Variants in XIRP2 observed in about 807,000 individuals in gnomAD.
XIRP2 encodes the protein xin actin-binding repeat-containing protein 2.
In XIRP2, 236 loss-of-function variants were observed where a neutral mutation model predicts 277.0. The ratio of observed to expected loss-of-function variants is 0.85; its 90% CI spans 0.77 to 0.95. The LOEUF (loss-of-function observed/expected upper bound fraction) is 0.95. XIRP2 is among the 40% of genes least tolerant of loss of function. The probability of loss-of-function intolerance (pLI) is 0.00; values close to 1 mark genes in which losing one functional copy is unlikely to be tolerated. For missense variants in XIRP2, 4,640 were observed against 4,157.5 expected, an observed-to-expected ratio of 1.12 and a Z score of -3.19; for synonymous variants, 1,490 against 1,416.5, an observed-to-expected ratio of 1.05 and a Z score of -1.17.
chr2:167,055,895 T>C (rs1689025657), intron 2 of XIRP2, among the ~76,000 whole-genome samples: 1 of 152,176 alleles, frequency 6.6e-6, no homozygotes, highest in African/African-American at 2.4e-5. Context: ...GATTCAATGT[T>C]ATATAAAATG....
chr2:167,145,538 G>A (rs34709525), intron 3 of XIRP2, among the ~76,000 whole-genome samples: 7 of 152,094 alleles, frequency 4.6e-5, no homozygotes, highest in Non-Finnish European at 8.8e-5. Context: ...ATTTTTCATT[G>A]ATCCTTTATT....
intron 2 of XIRP2, among the ~76,000 whole-genome samples, chr2:166,929,702 TTCTTTAA>T (rs1187004275): frequency 1.3e-5 from 2 of 152,180 alleles, no homozygotes; most frequent in Non-Finnish European, 2.9e-5. Context: ...CTCTGTTTTG[TTCTTTAA>T]TTTCTTATGC....
intron 2 of XIRP2, among the ~76,000 whole-genome samples, chr2:167,099,942 G>A (rs59877654): frequency 0.26 from 39,667 of 151,836 alleles, 7,711 homozygotes; most frequent in African/African-American, 0.55. Context: ...GACCGGAGCC[G>A]TTCCTATTCA....
chr2:166,982,922 A>T (rs928861227), intron 2 of XIRP2, among the ~76,000 whole-genome samples: 13 of 152,080 alleles, frequency 8.5e-5, no homozygotes. Flanking sequence ...CCTCTTACTA[A>T]ATGCTGTTAA....
At chr2:167,216,821 G>C (rs1410845728) in intron 4 of XIRP2, among the ~76,000 whole-genome samples, 1 of 116,072 alleles carries the variant, frequency 8.6e-6, no homozygotes, top group East Asian at 2.4e-4. Context: ...CTGCTATAAA[G>C]ACACATGCAC....
intron 2 of XIRP2, among the ~76,000 whole-genome samples, chr2:167,001,459 T>A (rs1025923363): frequency 3.3e-5 from 5 of 152,174 alleles, no homozygotes; most frequent in African/African-American, 1.2e-4. Context: ...CAAAATGTTT[T>A]CTTACTATTT....
At chr2:167,208,186 GCTTT>G (rs1325404565) in intron 3 of XIRP2, among the ~76,000 whole-genome samples, 5 of 152,184 alleles carry the variant, frequency 3.3e-5, no homozygotes, top group Admixed American at 6.5e-5. Context: ...TATTTATAAT[GCTTT>G]CTAACAGAAA....
Position 166,982,327 on chromosome 2 carries a change from TA to T in XIRP2, c.408+78447del, listed in dbSNP as rs34827020. On this transcript the variant is annotated intron_variant, in intron 2 of 10. Transcript: ENST00000409195. Reference sequence around the variant, plus strand: ...TATGTTTAGGTACAGTTTTTTTTTTTAAAAAAAAAACAGTCTGGGTTAATAT... The same window carrying T: ...TATGTTTAGGTACAGTTTTTTTTTTTAAAAAAAAACAGTCTGGGTTAATAT... Among the ~76,000 whole-genome samples the T allele has an allele frequency of 2.5e-3, 364 of 146,568 alleles. 3 individuals carry two copies. Among genetic ancestry groups the T allele is most frequent in the South Asian group, 9.5e-3 (44 of 4,630 alleles).
chr2:167,041,939 G>A (rs1163299906), intron 2 of XIRP2, among the ~76,000 whole-genome samples: 1 of 152,060 alleles, frequency 6.6e-6, no homozygotes, highest in Admixed American at 6.5e-5. Context: ...AGCTAGAGAG[G>A]GAAGGGGCAT....
At chr2:167,089,603 G>C (rs901620728) in intron 2 of XIRP2, among the ~76,000 whole-genome samples, 5 of 152,112 alleles carry the variant, frequency 3.3e-5, no homozygotes, top group Non-Finnish European at 7.3e-5. Flanking sequence ...GTGTGTGTGT[G>C]TATTACTTAA....
intron 10 of XIRP2, among the ~76,000 whole-genome samples, chr2:167,255,377 G>A (rs1026189305): frequency 4.0e-5 from 6 of 151,572 alleles, no homozygotes; most frequent in African/African-American, 1.5e-4. Context: ...CAGTCTTTAT[G>A]CTACTGTATC....
At chr2:167,100,092 T>A (rs1384662630) in intron 2 of XIRP2, among the ~76,000 whole-genome samples, 1 of 151,570 alleles carries the variant, frequency 6.6e-6, no homozygotes, top group Non-Finnish European at 1.5e-5. Flanking sequence ...CACTGAATTG[T>A]AGAATTGAGA....
At chr2:166,913,668 T>A (rs565100590) in intron 2 of XIRP2, among the ~76,000 whole-genome samples, 1 of 152,336 alleles carries the variant, frequency 6.6e-6, no homozygotes, top group South Asian at 2.1e-4. Context: ...ATTAAAAGTG[T>A]ACTGACATAG....
intron 2 of XIRP2, among the ~76,000 whole-genome samples, chr2:167,127,700 C>T (rs546587778): frequency 7.2e-5 from 11 of 152,320 alleles, no homozygotes; most frequent in Admixed American, 6.5e-4. Context: ...ACCTGGATGT[C>T]TTCAGGGGAA....
In XIRP2 at chr2:166,898,874, T is replaced by C. The variant is rs985590649; in HGVS notation, c.-18-4591T>C. On this transcript the variant is annotated intron_variant, in intron 1 of 10. Coordinates refer to ENST00000409195, the MANE Select transcript of XIRP2 (RefSeq NM_152381.6). ...GAATGTTATTGAAACGGTACTTTTA[T>C]CGTATGTGACCTTTTGAGATTGGCT... Among the ~76,000 whole-genome samples the C allele has an allele frequency of 2.6e-5, 4 of 152,300 alleles. No homozygotes were observed. The South Asian group carries it at 8.3e-4, about 32-fold the overall frequency.
At chr2:167,182,999 C>T (rs910952839) in intron 3 of XIRP2, among the ~76,000 whole-genome samples, 2 of 152,054 alleles carry the variant, frequency 1.3e-5, no homozygotes, top group African/African-American at 4.8e-5. Context: ...TGTCTCATAG[C>T]CTAGAAAAGA....
intron 2 of XIRP2, among the ~76,000 whole-genome samples, chr2:166,945,605 G>A (rs1478727293): frequency 2.7e-5 from 4 of 148,010 alleles, no homozygotes; most frequent in African/African-American, 9.9e-5. Flanking sequence ...TTCCTCAAAA[G>A]TATAAGACTC....
chr2:166,937,670 G>A (rs933385333), intron 2 of XIRP2, among the ~76,000 whole-genome samples: 57 of 152,262 alleles, frequency 3.7e-4, no homozygotes, highest in Admixed American at 2.7e-3. Flanking sequence ...AGAAGGAATC[G>A]TACCAGCTCC....
Position 167,244,590 on chromosome 2 carries a change from A to G in XIRP2, c.3198A>G (p.Ser1066=). 4 of 1,612,624 alleles carry G rather than the reference A, an allele frequency of 2.5e-6. No individual in the cohort carries two copies. The highest frequency in any genetic ancestry group is 3.4e-6 in the Non-Finnish European group (4 of 1,179,394). Residue 1066 remains serine (S), a synonymous_variant, in exon 9 of 11, where the codon TCA becomes TCG. Coordinates refer to ENST00000409195, the MANE Select transcript of XIRP2 (RefSeq NM_152381.6). ...TGTTTGAAACCCAACCTCTTGATTC[A>G]ATTAAATATTTTAGTGATGTGGAAG... The part of the protein sequence containing the change: ...KWLFETQPLD[S]IKYFSDVEET...
Sources: allele counts gnomAD v4.1 joint callset (sites outside exome capture counted in the v4.1 genomes callset), GRCh38; gene constraint gnomAD v4.1.1; transcripts MANE v1.5; gene names NCBI Gene and HGNC (gene_info 2026-07-23, HGNC 2026-07-21).